Variants in KCNQ5 observed in about 807,000 individuals in gnomAD.
KCNQ5 encodes the protein potassium voltage-gated channel subfamily Q member 5, also known as potassium voltage-gated channel subfamily KQT member 5.
KCNQ5 carries 30 observed loss-of-function variants against 98.2 expected under a neutral mutation model. That is an observed-to-expected ratio of 0.31 (90% confidence interval 0.23 to 0.41). KCNQ5 has a LOEUF of 0.41. Among genes scored for constraint, KCNQ5 ranks in the 10% least tolerant of loss-of-function variants. The probability of loss-of-function intolerance (pLI) is 1.00; values close to 1 mark genes in which losing one functional copy is unlikely to be tolerated. For synonymous variants in KCNQ5, 458 were observed against 449.4 expected (o/e 1.02, Z -0.24); for missense variants, 835 against 1,182.5 (o/e 0.71, Z 4.31).
At chr6:72,672,807 A>T (rs1201654165) in intron 1 of KCNQ5, among the ~76,000 whole-genome samples, 2 of 152,224 alleles carry the variant, frequency 1.3e-5, no homozygotes, top group Non-Finnish European at 2.9e-5. Context: ...TCATTTCATA[A>T]CTAAAGATGA....
intron 1 of KCNQ5, among the ~76,000 whole-genome samples, chr6:72,831,421 C>T (rs1776262150): frequency 6.6e-6 from 1 of 152,112 alleles, no homozygotes; most frequent in Admixed American, 6.6e-5. Flanking sequence ...GAGTTCATGT[C>T]CTTTCTGGGG....
chr6:73,085,307 C>T (rs1773939631), intron 5 of KCNQ5, among the ~76,000 whole-genome samples: 1 of 152,146 alleles, frequency 6.6e-6, no homozygotes, highest in Non-Finnish European at 1.5e-5. Flanking sequence ...TTTGCCACCA[C>T]AGAAGGGAAA....
chr6:73,080,705 T>C (rs1773728095), intron 5 of KCNQ5, among the ~76,000 whole-genome samples: 1 of 152,090 alleles, frequency 6.6e-6, no homozygotes, highest in African/African-American at 2.4e-5. Context: ...TAAATGAGAG[T>C]ATTTCTAAGT....
chr6:72,644,854 A>G (rs867627201), intron 1 of KCNQ5, among the ~76,000 whole-genome samples: 3 of 152,116 alleles, frequency 2.0e-5, no homozygotes, highest in Non-Finnish European at 4.4e-5. Flanking sequence ...AACTCTAGGG[A>G]CAAGGTTTTA....
intron 1 of KCNQ5, among the ~76,000 whole-genome samples, chr6:72,782,469 G>A (rs192507612): frequency 5.9e-5 from 9 of 152,266 alleles, no homozygotes; most frequent in Admixed American, 5.2e-4. Flanking sequence ...AAACACAAAT[G>A]CCGTATCACA....
chr6:72,668,294 A>G (rs1428340914), intron 1 of KCNQ5, among the ~76,000 whole-genome samples: 3 of 152,356 alleles, frequency 2.0e-5, no homozygotes, highest in South Asian at 2.1e-4. Context: ...TTGACTAAAC[A>G]TAATTACTGA....
intron 1 of KCNQ5, among the ~76,000 whole-genome samples, chr6:72,711,661 G>A (rs1303892263): frequency 6.6e-6 from 1 of 152,194 alleles, no homozygotes; most frequent in Non-Finnish European, 1.5e-5. Flanking sequence ...TAGGGAAAGT[G>A]TAGGTGCAGG....
intron 1 of KCNQ5, among the ~76,000 whole-genome samples, chr6:72,835,720 G>A (rs1484575634): frequency 6.6e-6 from 1 of 152,056 alleles, no homozygotes; most frequent in Non-Finnish European, 1.5e-5. Flanking sequence ...AGAGATTAAG[G>A]AATTTGTCCA....
intron 1 of KCNQ5, among the ~76,000 whole-genome samples, chr6:72,939,325 C>T (rs2150237523): frequency 6.6e-6 from 1 of 152,292 alleles, no homozygotes; most frequent in South Asian, 2.1e-4. Flanking sequence ...GGGGGCTCTC[C>T]TTCCACTCGG....
At chr6:72,944,906 G>A (rs1285032684) in intron 1 of KCNQ5, among the ~76,000 whole-genome samples, 4 of 152,278 alleles carry the variant, frequency 2.6e-5, no homozygotes, top group South Asian at 2.1e-4. Flanking sequence ...TCATTGCTGC[G>A]TGGTGAAAGC....
intron 3 of KCNQ5, among the ~76,000 whole-genome samples, chr6:73,068,974 A>G (rs748572418): frequency 6.6e-6 from 1 of 152,194 alleles, no homozygotes; most frequent in Non-Finnish European, 1.5e-5. Flanking sequence ...ATTCTTACAG[A>G]AAATCTTCAT....
At chr6:73,041,869 C>A in intron 2 of KCNQ5, 67 bp from the exon 3 acceptor site, 1 of 1,580,116 alleles carries the variant, frequency 6.3e-7, no homozygotes, top group South Asian at 1.1e-5. Context: ...CAAAAATATG[C>A]ATAGAGCTTC....
chr6:72,944,846 T>G (rs1766463180), intron 1 of KCNQ5, among the ~76,000 whole-genome samples: 3 of 152,192 alleles, frequency 2.0e-5, no homozygotes, highest in Non-Finnish European at 4.4e-5. Context: ...ACTGATCATG[T>G]TTTTCTCCAC....
At chr6:72,906,741 A>G (rs1779714817) in intron 1 of KCNQ5, among the ~76,000 whole-genome samples, 1 of 152,142 alleles carries the variant, frequency 6.6e-6, no homozygotes, top group South Asian at 2.1e-4. Flanking sequence ...CACACACGGT[A>G]TTTGGGGTGT....
intron 1 of KCNQ5, among the ~76,000 whole-genome samples, chr6:72,761,602 T>C (rs1413841137): frequency 6.6e-6 from 1 of 151,866 alleles, no homozygotes; most frequent in Non-Finnish European, 1.5e-5. Context: ...TCACCATTTT[T>C]ATAATTATTC....
At chr6:72,966,695 CA>C (rs2031751064) in intron 1 of KCNQ5, among the ~76,000 whole-genome samples, 1 of 152,174 alleles carries the variant, frequency 6.6e-6, no homozygotes, top group Admixed American at 6.5e-5. Flanking sequence ...GAAACAGAAA[CA>C]TGGGTTCAAT....
intron 1 of KCNQ5, among the ~76,000 whole-genome samples, chr6:72,912,906 G>A (rs1464575037): frequency 6.6e-6 from 1 of 152,142 alleles, no homozygotes; most frequent in African/African-American, 2.4e-5. Context: ...ACCTTTCAGA[G>A]AGTGGAAGGT....
chr6:72,754,522 G>A (rs1158023319), intron 1 of KCNQ5, among the ~76,000 whole-genome samples: 1 of 152,022 alleles, frequency 6.6e-6, no homozygotes, highest in African/African-American at 2.4e-5. Context: ...CACATTTGAG[G>A]GAAGAGAGAG....
intron 2 of KCNQ5, among the ~76,000 whole-genome samples, chr6:73,034,565 T>G (rs1187010599): frequency 2.6e-5 from 4 of 152,214 alleles, no homozygotes; most frequent in African/African-American, 4.8e-5. Context: ...AAACAACTGG[T>G]ACATGAGCTT....
Sources: allele counts gnomAD v4.1 joint callset (sites outside exome capture counted in the v4.1 genomes callset), GRCh38; gene constraint gnomAD v4.1.1; transcripts MANE v1.5; gene names NCBI Gene and HGNC (gene_info 2026-07-23, HGNC 2026-07-21).